The following BFSP1 variants were observed in gnomAD, a reference collection of about 807,000 sequenced individuals.
BFSP1 encodes the protein filensin.
In BFSP1, 38 loss-of-function variants were observed where a neutral mutation model predicts 43.9. The observed-to-expected ratio is 0.87, with a 90% CI of 0.67 to 1.14. The LOEUF is 1.14. Ranked by LOEUF, BFSP1 falls within the 50% of genes most tolerant of loss-of-function variation. The probability of loss-of-function intolerance (pLI) is 0.00; values close to 1 mark genes in which losing one functional copy is unlikely to be tolerated. For synonymous variants in BFSP1, 352 were observed against 354.8 expected (o/e 0.99, Z 0.09); for missense variants, 850 against 875.1 (o/e 0.97, Z 0.36).
chr20:17,496,794 G>T, intron 7 of BFSP1, 144 bp downstream of exon 7: 2 of 726,270 alleles, frequency 2.8e-6, no homozygotes, highest in Non-Finnish European at 4.3e-6. Context: ...AGAGGGCAGA[G>T]GGTGGGAAGG....
At chr20:17,500,943 G>A (rs992193103) in intron 5 of BFSP1, among the ~76,000 whole-genome samples, 3 of 152,132 alleles carry the variant, frequency 2.0e-5, no homozygotes, top group Non-Finnish European at 4.4e-5. Flanking sequence ...CAGCCCTTCT[G>A]GAAGCCAGGG....
intron 1 of BFSP1, among the ~76,000 whole-genome samples, chr20:17,548,577 A>G (rs946581493): frequency 6.6e-6 from 1 of 152,198 alleles, no homozygotes; most frequent in African/African-American, 2.4e-5. Context: ...AGAAAGTGAC[A>G]TTCTTTTCTC....
Position 17,494,763 on chromosome 20 carries a change from T to C in BFSP1, c.1309A>G (p.Ile437Val). Residue 437 changes from isoleucine (I) to valine (V), a missense_variant, in exon 8 of 8, where the codon ATA becomes GTA. By Grantham distance (29) the Ile-to-Val change is conservative (BLOSUM62 3). Coordinates refer to ENST00000377873, the MANE Select transcript of BFSP1 (RefSeq NM_001195.5). ...APEDVPDGGQ[I>V]SKGFGKLYRK... is the part of the protein sequence containing the mutation. The stretch of plus-strand genomic sequence containing the variant: ...TATAGTTTCCCAAAGCCTTTGCTTA[T>C]CTGCCCTCCATCTGGCACATCCTCT... The C allele has an allele frequency of 6.2e-7, 1 of 1,614,206 alleles. No homozygotes were observed. The highest frequency in any genetic ancestry group is 1.6e-4 in the Middle Eastern group (1 of 6,062).
At chr20:17,568,122 G>T (rs1168368393) in intron 1 of BFSP1, among the ~76,000 whole-genome samples, 1 of 152,010 alleles carries the variant, frequency 6.6e-6, no homozygotes, top group Non-Finnish European at 1.5e-5. Flanking sequence ...CGTCTGGGAG[G>T]GGCAGTGGGC....
In BFSP1 at chr20:17,497,523, C is replaced by T. The variant is rs1038512576; in HGVS notation, c.957-500G>A. Reference sequence around the variant, plus strand: ...ACACGTATATATACGTATATATATACACACACGTATGTATATATGTGTGTA... The same window carrying T: ...ACACGTATATATACGTATATATATATACACACGTATGTATATATGTGTGTA... On this transcript the variant is annotated intron_variant, in intron 6 of 7. Coordinates refer to ENST00000377873, the MANE Select transcript of BFSP1 (RefSeq NM_001195.5). 1.8e-4 allele frequency among the ~76,000 whole-genome samples: 25 copies of T among 140,614 alleles called. 1 individual carries two copies. In the East Asian group the frequency reaches 2.7e-3, roughly 15 times the overall value. The allele number at this position is 140,614 out of a possible 152,430, so 92.2% of individuals were successfully genotyped here.
At chr20:17,518,977 C>A (rs192316278) in intron 2 of BFSP1, among the ~76,000 whole-genome samples, 1 of 152,298 alleles carries the variant, frequency 6.6e-6, no homozygotes, top group East Asian at 1.9e-4. Flanking sequence ...TGGAGTGATT[C>A]TCAGCCCCGG....
At chr20:17,500,886 TC>T (rs1184203073) in intron 5 of BFSP1, among the ~76,000 whole-genome samples, 1 of 152,100 alleles carries the variant, frequency 6.6e-6, no homozygotes, top group East Asian at 1.9e-4. Flanking sequence ...ACACGCATGG[TC>T]CTCAAAAACA....
intron 5 of BFSP1, among the ~76,000 whole-genome samples, chr20:17,499,405 T>G (rs1200585447): frequency 4.4e-5 from 6 of 136,826 alleles, no homozygotes; most frequent in African/African-American, 1.7e-4. Flanking sequence ...ATGCTGGGCT[T>G]TTTTTTTTTT....
intron 1 of BFSP1, among the ~76,000 whole-genome samples, chr20:17,536,388 A>G (rs2034629372): frequency 6.6e-6 from 1 of 152,142 alleles, no homozygotes; most frequent in Admixed American, 6.5e-5. Flanking sequence ...CCATGTCGAC[A>G]AAAAATATAG....
At chr20:17,562,716 A>G (rs2035078605), upstream of BFSP1, among the ~76,000 whole-genome samples, 1 of 152,144 alleles carries the variant, frequency 6.6e-6, no homozygotes. Context: ...AAATAGTGGT[A>G]TATGATTTTT....
chr20:17,568,390 T>A (rs532536610), intron 1 of BFSP1, among the ~76,000 whole-genome samples: 1 of 152,126 alleles, frequency 6.6e-6, no homozygotes, highest in East Asian at 1.9e-4. Flanking sequence ...GTCTGAATAT[T>A]AAGAAGTGTA....
chr20:17,496,223 A>G lies in BFSP1; in HGVS notation c.1042+715T>C, dbSNP rs79258065. On this transcript the variant is annotated intron_variant, in intron 7 of 7. Transcript: ENST00000377873. ...CTGCAAGGCTGTTCCCTTTCCAACCATGTTGACTCTGGAACACCATTTCCA... is the reference window on the plus strand; with the variant it reads ...CTGCAAGGCTGTTCCCTTTCCAACCGTGTTGACTCTGGAACACCATTTCCA... Among the ~76,000 whole-genome samples, 539 of 152,308 alleles carry G rather than the reference A, an allele frequency of 3.5e-3. 5 individuals carry two copies. The highest frequency in any genetic ancestry group is 0.012 in the African/African-American group (512 of 41,562).
chr20:17,549,258 T>G (rs2034856689), intron 1 of BFSP1, among the ~76,000 whole-genome samples: 1 of 152,200 alleles, frequency 6.6e-6, no homozygotes, highest in Non-Finnish European at 1.5e-5. Flanking sequence ...GTTGTATTAG[T>G]CTGTACTCGC....
chr20:17,499,211 T>C (rs2033731966), intron 5 of BFSP1, among the ~76,000 whole-genome samples, 171 bp from the exon 6 acceptor site: 1 of 151,084 alleles, frequency 6.6e-6, no homozygotes, highest in Non-Finnish European at 1.5e-5. Flanking sequence ...TAAAAAGCAA[T>C]GTGAAAACTG....
At chr20:17,518,816 T>G (rs577229565) in intron 2 of BFSP1, among the ~76,000 whole-genome samples, 4 of 152,194 alleles carry the variant, frequency 2.6e-5, no homozygotes, top group Non-Finnish European at 4.4e-5. Context: ...CTGAATCAGT[T>G]CATCCCTGCA....
intron 5 of BFSP1, among the ~76,000 whole-genome samples, chr20:17,504,302 GT>G (rs2033878637): frequency 6.6e-6 from 1 of 152,292 alleles, no homozygotes; most frequent in South Asian, 2.1e-4. Context: ...TACCGATGTG[GT>G]TTTTACAGCT....
chr20:17,509,747 T>G (rs1439301360), intron 4 of BFSP1, among the ~76,000 whole-genome samples: 1 of 152,188 alleles, frequency 6.6e-6, no homozygotes, highest in Non-Finnish European at 1.5e-5. Flanking sequence ...TCAGCCCCAG[T>G]GGGTGAAAGG....
chr20:17,523,994 G>A (rs1359961700), intron 2 of BFSP1, among the ~76,000 whole-genome samples: 3 of 152,184 alleles, frequency 2.0e-5, no homozygotes, highest in South Asian at 2.1e-4. Flanking sequence ...AAGAGTCTGC[G>A]GTTTTGTCAG....
chr20:17,531,526 G>T (rs536850732), upstream of BFSP1, among the ~76,000 whole-genome samples: 1 of 152,272 alleles, frequency 6.6e-6, no homozygotes, highest in Non-Finnish European at 1.5e-5. Context: ...TTGTGCGGCG[G>T]ATTAGCGGCC....
Sources: gnomAD v4.1 joint callset for allele counts (sites outside exome capture counted in the v4.1 genomes callset) on GRCh38, gnomAD v4.1.1 for gene constraint, MANE v1.5 for transcripts, NCBI Gene and HGNC (gene_info 2026-07-23, HGNC 2026-07-21) for gene names.